Variants in PREX1 observed in about 807,000 individuals in gnomAD.
The protein encoded by PREX1 is phosphatidylinositol 3,4,5-trisphosphate-dependent Rac exchanger 1 protein.
PREX1 carries 41 observed loss-of-function variants against 198.3 expected under a neutral mutation model. The ratio of observed to expected loss-of-function variants is 0.21; its 90% CI spans 0.16 to 0.27. The LOEUF is 0.27. Among genes scored for constraint, PREX1 ranks in the 10% least tolerant of loss-of-function variants. The pLI, the probability that PREX1 is intolerant of heterozygous loss-of-function variation, is 1.00. For synonymous variants in PREX1, 843 were observed against 887.2 expected, an observed-to-expected ratio of 0.95 and a Z score of 0.89; for missense variants, 1,620 against 2,200.7, an observed-to-expected ratio of 0.74 and a Z score of 5.28.
rs1293309593 is a variant in PREX1 at position 48,655,482 on chromosome 20, A to G, written c.2124-107T>C. On this transcript the variant is annotated intron_variant, in intron 18 of 39. Transcript: ENST00000371941. ...ACTTTCTGCCTTGGAAACACTGGGAAAATTCAGCCCAAAATAGTAGTAGCA... is the reference window on the plus strand; with the variant it reads ...ACTTTCTGCCTTGGAAACACTGGGAGAATTCAGCCCAAAATAGTAGTAGCA... The G allele has an allele frequency of 1.5e-5, 15 of 980,352 alleles. No homozygotes were observed. In the African/African-American group the frequency reaches 2.6e-4, roughly 17 times the overall value. 60.7% of individuals were successfully genotyped at this position (980,352 alleles called of 1,614,324 possible). A position where few individuals can be genotyped will look rare whatever the true frequency, so the allele number is the denominator to read the frequency against.
At chr20:48,715,169 C>T (rs921323746) in intron 5 of PREX1, among the ~76,000 whole-genome samples, 1 of 152,186 alleles carries the variant, frequency 6.6e-6, no homozygotes, top group African/African-American at 2.4e-5. Flanking sequence ...CTGGAAGGAA[C>T]CCAAGAGGTG....
intron 3 of PREX1, among the ~76,000 whole-genome samples, chr20:48,740,846 G>A (rs1238363924): frequency 2.0e-5 from 3 of 152,356 alleles, no homozygotes; most frequent in African/African-American, 4.8e-5. Flanking sequence ...AGGCTGAAAG[G>A]CTCAAGTAGT....
At chr20:48,778,105 C>A (rs189003415) in intron 1 of PREX1, among the ~76,000 whole-genome samples, 1 of 152,188 alleles carries the variant, frequency 6.6e-6, no homozygotes, top group East Asian at 1.9e-4. Flanking sequence ...AAAAGTACAG[C>A]CGGATTTCTG....
chr20:48,743,708 C>G (rs898095505), intron 3 of PREX1, among the ~76,000 whole-genome samples: 1 of 152,302 alleles, frequency 6.6e-6, no homozygotes, highest in South Asian at 2.1e-4. Context: ...TGGATTTATC[C>G]CGTTTATGGG....
chr20:48,819,870 G>A (rs2090476420), intron 1 of PREX1, among the ~76,000 whole-genome samples: 2 of 152,326 alleles, frequency 1.3e-5, no homozygotes, highest in South Asian at 4.1e-4. Flanking sequence ...TCGATTAGTG[G>A]ATGAAAGCAT....
rs910615745 is a variant in PREX1, at chr20:48,827,929, C to T, written c.-69G>A. Reference sequence around the variant, plus strand: ...CGGCAACTCAGGCGTCCAGGCGCCCCATCCCGGACGGGGCGCGCCGGCGGG... The same window carrying T: ...CGGCAACTCAGGCGTCCAGGCGCCCTATCCCGGACGGGGCGCGCCGGCGGG... On this transcript the variant is annotated 5_prime_UTR_variant, in exon 1 of 40. It removes an upstream start codon present in the reference 5' UTR. Coordinates refer to ENST00000371941, the MANE Select transcript of PREX1 (RefSeq NM_020820.4). The surrounding 1 kb of genome is among the most constrained non-coding windows in gnomAD (Gnocchi z 4.1). 1.6e-6 allele frequency: 1 copy of T among 644,108 alleles called. No individual in the cohort carries two copies. The highest frequency in any genetic ancestry group is 2.0e-5 in the African/African-American group (1 of 49,642). 39.9% of individuals were successfully genotyped at this position (644,108 alleles called of 1,614,324 possible).
chr20:48,814,137 A>G (rs971578511), intron 1 of PREX1, among the ~76,000 whole-genome samples: 1 of 152,202 alleles, frequency 6.6e-6, no homozygotes, highest in Non-Finnish European at 1.5e-5. Context: ...CTCCCAAGAC[A>G]CAGTCATGGC....
At chr20:48,644,965 C>T (rs2089440004) in intron 26 of PREX1, among the ~76,000 whole-genome samples, 2 of 152,196 alleles carry the variant, frequency 1.3e-5, no homozygotes, top group Admixed American at 1.3e-4. Flanking sequence ...ACATTTTTTC[C>T]TTCACCTTTT....
intron 1 of PREX1, among the ~76,000 whole-genome samples, chr20:48,826,399 C>T (rs2123091797): frequency 6.6e-6 from 1 of 152,244 alleles, no homozygotes. Flanking sequence ...TGGCCCCTTC[C>T]TCCCTCTCAC....
the PREX1 span, among the ~76,000 whole-genome samples, chr20:48,847,413 A>C: frequency 6.6e-6 from 1 of 150,844 alleles, no homozygotes; most frequent in South Asian, 2.1e-4. Flanking sequence ...CTAATAAATA[A>C]AAGACACACA....
intron 4 of PREX1, among the ~76,000 whole-genome samples, chr20:48,730,297 A>C (rs568839707): frequency 3.0e-4 from 45 of 151,900 alleles, no homozygotes; most frequent in Admixed American, 7.9e-4. Flanking sequence ...AAACCCTCCC[A>C]CGGCTTCCCA....
the PREX1 span, among the ~76,000 whole-genome samples, chr20:48,858,130 A>G: frequency 6.6e-6 from 1 of 152,212 alleles, no homozygotes. Context: ...CGAGGCCTCC[A>G]TGGTTGGTGG....
rs565296923 is a variant in PREX1 at position 48,712,650 on chromosome 20, T to C, written c.622-4229A>G. 8.0e-4 allele frequency among the ~76,000 whole-genome samples: 122 copies of C among 152,322 alleles called. 1 individual carries two copies. The Middle Eastern group carries it at 0.01, about 13-fold the overall frequency. On this transcript the variant is annotated intron_variant, in intron 5 of 39. Transcript: ENST00000371941. ...CTAGGTCAGTGGTAGGGGTAGGGAA[T>C]TGAAACCAAGCAAGACCTGGCCAGG...
chr20:48,695,630 CATTA>C (rs1357608069), intron 7 of PREX1, among the ~76,000 whole-genome samples: 1 of 152,186 alleles, frequency 6.6e-6, no homozygotes, highest in Non-Finnish European at 1.5e-5. Flanking sequence ...AGTAGGAGCT[CATTA>C]ATATTTAATT....
At chr20:48,716,775 C>A (rs1331974713) in intron 5 of PREX1, among the ~76,000 whole-genome samples, 1 of 152,178 alleles carries the variant, frequency 6.6e-6, no homozygotes, top group Non-Finnish European at 1.5e-5. Flanking sequence ...GGACTTCCTA[C>A]GCAAACGCTG....
intron 5 of PREX1, 113 bp from the exon 6 acceptor site, chr20:48,708,534 T>C (rs988396986): frequency 1.4e-5 from 17 of 1,174,356 alleles, no homozygotes; most frequent in Non-Finnish European, 1.9e-5. Flanking sequence ...CTGGTGGACA[T>C]TACATTCTAG....
intron 1 of PREX1, among the ~76,000 whole-genome samples, chr20:48,773,603 A>G (rs2090247221): frequency 6.6e-6 from 1 of 152,222 alleles, no homozygotes; most frequent in Non-Finnish European, 1.5e-5. Context: ...GACAGCAGGA[A>G]TACCACCTGC....
chr20:48,840,959 T>C, the PREX1 span, among the ~76,000 whole-genome samples: 1 of 40,772 alleles, frequency 2.5e-5, no homozygotes, highest in South Asian at 1.3e-3. Flanking sequence ...AAGTAGCTAG[T>C]AGCTGATTAA....
rs762338783 is a variant in PREX1, at chr20:48,688,783, C to T, written c.1208G>A (p.Arg403His). 5.6e-6 allele frequency: 9 copies of T among 1,614,144 alleles called. No individual in the cohort carries two copies. Among genetic ancestry groups the T allele is most frequent in the African/African-American group, 1.3e-5 (1 of 75,038 alleles). Residue 403 changes from arginine (R) to histidine (H), a missense_variant, in exon 10 of 40, where the codon CGT becomes CAT. Coordinates refer to ENST00000371941, the MANE Select transcript of PREX1 (RefSeq NM_020820.4). ...CTCCGCAATCATGACGTAGGCATCA[C>T]GCTCCATGCCCAGCTTCAGGCCTAC... is the stretch of plus-strand genomic sequence containing the variant. Reference protein sequence around the residue: ...QRESLKLGMERDAYVMIAEKG... With the variant: ...QRESLKLGMEHDAYVMIAEKG...
Sources: allele counts gnomAD v4.1 joint callset (sites outside exome capture counted in the v4.1 genomes callset), GRCh38; gene constraint gnomAD v4.1.1; non-coding constraint Gnocchi (gnomAD v3.1); transcripts MANE v1.5; gene names NCBI Gene and HGNC (gene_info 2026-07-23, HGNC 2026-07-21).